The following PAK3 variants were observed in gnomAD, a reference collection of about 807,000 sequenced individuals.
The protein encoded by PAK3 is p21 (RAC1) activated kinase 3.
In PAK3, 4 loss-of-function variants were observed where a neutral mutation model predicts 41.0. The observed-to-expected ratio is 0.10, with a 90% CI of 0.05 to 0.22. The LOEUF (loss-of-function observed/expected upper bound fraction) is 0.22, where lower values mean the gene tolerates loss of function less well. PAK3 is among the 10% of genes least tolerant of loss of function. PAK3 has a pLI of 1.00. For missense variants in PAK3, 205 were observed against 409.9 expected (o/e 0.50, Z 4.32); for synonymous variants, 146 against 139.6 (o/e 1.05, Z -0.32).
At chrX:111,056,965 A>G (rs1169806303) in intron 1 of PAK3, among the ~76,000 whole-genome samples, 1 of 111,932 alleles carries the variant, frequency 8.9e-6, no homozygotes, top group Non-Finnish European at 1.9e-5. Context: ...CTGTATTTAC[A>G]TTCCAATAAA....
chrX:111,091,556 A>G (rs2092929345), upstream of PAK3, among the ~76,000 whole-genome samples: 1 of 111,822 alleles, frequency 8.9e-6, no homozygotes, highest in South Asian at 3.8e-4. Flanking sequence ...ACCCAAGAGA[A>G]TGGTAACTTC....
chrX:111,091,559 G>A (rs751574776), upstream of PAK3, among the ~76,000 whole-genome samples: 4 of 111,903 alleles, frequency 3.6e-5, no homozygotes, highest in African/African-American at 1.3e-4. Flanking sequence ...CAAGAGAATG[G>A]TAACTTCCCA....
intron 11 of PAK3, among the ~76,000 whole-genome samples, chrX:111,185,839 G>T (rs1473876422): frequency 9.1e-6 from 1 of 110,300 alleles, no homozygotes; most frequent in African/African-American, 3.3e-5. Context: ...GGATTGTCTT[G>T]GCTATATAAA....
chrX:110,989,373 A>G (rs1428198423), intron 1 of PAK3, among the ~76,000 whole-genome samples: 3 of 112,553 alleles, frequency 2.7e-5, no homozygotes, highest in Non-Finnish European at 5.6e-5. Context: ...CCATGTGTCC[A>G]GATATTTTTT....
intron 1 of PAK3, among the ~76,000 whole-genome samples, chrX:110,990,287 C>T (rs1457465688): frequency 8.9e-6 from 1 of 112,034 alleles, no homozygotes; most frequent in Non-Finnish European, 1.9e-5. Context: ...ATAAGAGCAC[C>T]TTGGAAACAG....
rs963202210 is a variant in PAK3, at chrX:111,222,688, A to G, written c.*2241A>G. On this transcript the variant is annotated 3_prime_UTR_variant, in exon 18 of 18. Coordinates refer to ENST00000372007, the MANE Select transcript of PAK3 (RefSeq NM_002578.5). Reference sequence around the variant, plus strand: ...AGTACATTAGTGACTGTGTCCTGCCAGTGGAGAGAGCCCAATACCTGGTTA... The same window carrying G: ...AGTACATTAGTGACTGTGTCCTGCCGGTGGAGAGAGCCCAATACCTGGTTA... 1 of 111,788 alleles carries G rather than the reference A, an allele frequency of 8.9e-6. No individual in the cohort carries two copies. Among genetic ancestry groups the G allele is most frequent in the African/African-American group, 3.3e-5 (1 of 30,737 alleles). 9.2% of individuals were successfully genotyped at this position (111,788 alleles called of 1,213,427 possible).
At chrX:111,172,430 G>A in intron 10 of PAK3, among the ~76,000 whole-genome samples, 1 of 111,377 alleles carries the variant, frequency 9.0e-6, no homozygotes, top group South Asian at 3.8e-4. Flanking sequence ...TGAGGCTTGG[G>A]ACTCTAATGA....
intron 11 of PAK3, among the ~76,000 whole-genome samples, chrX:111,185,970 G>T (rs7056766): frequency 4.5e-5 from 5 of 110,386 alleles, no homozygotes; most frequent in African/African-American, 1.7e-4. Flanking sequence ...TTCATCCCTG[G>T]GATGCAAGGC....
intron 1 of PAK3, among the ~76,000 whole-genome samples, chrX:111,056,538 T>C (rs1349019743): frequency 8.9e-6 from 1 of 112,120 alleles, no homozygotes; most frequent in East Asian, 2.8e-4. Flanking sequence ...CTTAAGACCT[T>C]TTAATTCATG....
chrX:110,945,953 AATGTT>A (rs892142956), intron 1 of PAK3, among the ~76,000 whole-genome samples: 1 of 112,163 alleles, frequency 8.9e-6, no homozygotes, highest in Non-Finnish European at 1.9e-5. Context: ...ATGTGTTATT[AATGTT>A]AAGTATTGAA....
At chrX:111,150,779 C>G (rs2094015585) in intron 7 of PAK3, among the ~76,000 whole-genome samples, 1 of 111,656 alleles carries the variant, frequency 9.0e-6, no homozygotes, top group African/African-American at 3.3e-5. Flanking sequence ...AATATATATA[C>G]CAAATAATAC....
intron 6 of PAK3, chrX:111,146,537 C>A (rs867206818): frequency 8.7e-7 from 1 of 1,151,021 alleles, no homozygotes; most frequent in East Asian, 3.1e-5. Flanking sequence ...CTCTATGGCT[C>A]ACAGATGTGC....
At chrX:110,980,153 C>G (rs2091424781) in intron 1 of PAK3, among the ~76,000 whole-genome samples, 2 of 111,972 alleles carry the variant, frequency 1.8e-5, no homozygotes, top group African/African-American at 6.5e-5. Flanking sequence ...TTCCATTTAT[C>G]AGTCAGAGAA....
intron 16 of PAK3, among the ~76,000 whole-genome samples, chrX:111,199,735 T>C (rs1445712679): frequency 8.9e-6 from 1 of 111,822 alleles, no homozygotes; most frequent in Non-Finnish European, 1.9e-5. Flanking sequence ...AGTTTCCGTT[T>C]GGTAACTCAC....
At chrX:111,166,713 G>A (rs2094259967) in intron 10 of PAK3, among the ~76,000 whole-genome samples, 1 of 111,823 alleles carries the variant, frequency 8.9e-6, no homozygotes, top group South Asian at 3.7e-4. Context: ...TATTAGCTGT[G>A]TCACCTAGGG....
chrX:111,124,829 A>G (rs1273479813), intron 5 of PAK3, among the ~76,000 whole-genome samples: 1 of 109,850 alleles, frequency 9.1e-6, no homozygotes, highest in Non-Finnish European at 1.9e-5. Flanking sequence ...TCCTTAAGGG[A>G]TGGTTTGAAC....
At chrX:111,146,427 A>T in intron 6 of PAK3, 3 of 603,610 alleles carry the variant, frequency 5.0e-6, no homozygotes, top group Admixed American at 2.7e-5. Context: ...GACTCCCCCC[A>T]TTCAGACCCA....
chrX:110,988,313 T>C (rs1198355389), intron 1 of PAK3, among the ~76,000 whole-genome samples: 1 of 111,948 alleles, frequency 8.9e-6, no homozygotes, highest in Non-Finnish European at 1.9e-5. Flanking sequence ...GAAAATCAAT[T>C]TAGTGGATAG....
chrX:111,120,348 T>C (rs2093547439), intron 4 of PAK3, among the ~76,000 whole-genome samples: 1 of 111,612 alleles, frequency 9.0e-6, no homozygotes, highest in African/African-American at 3.3e-5. Flanking sequence ...TCCCAACCCA[T>C]ATTATACTTG....
Sources: allele counts gnomAD v4.1 joint callset (sites outside exome capture counted in the v4.1 genomes callset), GRCh38; gene constraint gnomAD v4.1.1; transcripts MANE v1.5; gene names NCBI Gene and HGNC (gene_info 2026-07-23, HGNC 2026-07-21).